STIM2: variants seen among roughly 807,000 people sequenced by gnomAD.
The protein encoded by STIM2 is stromal interaction molecule 2.
STIM2 carries 31 observed loss-of-function variants against 85.8 expected under a neutral mutation model. That is an observed-to-expected ratio of 0.36 (90% CI 0.27 to 0.49). The LOEUF is 0.49. STIM2 is among the 20% of genes least tolerant of loss of function. The pLI is 0.98. For missense variants in STIM2, 841 were observed against 927.6 expected, an observed-to-expected ratio of 0.91 and a Z score of 1.21; for synonymous variants, 356 against 331.1, an observed-to-expected ratio of 1.08 and a Z score of -0.82.
chr4:26,903,550 T>C (rs1409652067), intron 1 of STIM2, among the ~76,000 whole-genome samples: 1 of 152,170 alleles, frequency 6.6e-6, no homozygotes, highest in Non-Finnish European at 1.5e-5. Flanking sequence ...TAAATGTTAA[T>C]TGAGACAAGA....
At chr4:26,923,555 C>G (rs1157243439) in intron 2 of STIM2, among the ~76,000 whole-genome samples, 1 of 139,780 alleles carries the variant, frequency 7.2e-6, no homozygotes, top group African/African-American at 2.7e-5. Flanking sequence ...ACAACCGGTA[C>G]CAGCCGCTGC....
At chr4:26,937,996 T>A (rs1462433137) in intron 2 of STIM2, among the ~76,000 whole-genome samples, 3 of 152,164 alleles carry the variant, frequency 2.0e-5, no homozygotes, top group Admixed American at 2.0e-4. Context: ...TTGTCTTTTT[T>A]TCCTCTGGAA....
Position 26,905,704 on chromosome 4 carries a change from TATTAA to T in STIM2, c.152-13796_152-13792del, listed in dbSNP as rs1724098745. On this transcript the variant is annotated intron_variant, in intron 1 of 11. Transcript: ENST00000467087. ...TAAATCGGCTAAATCCATGGCTATGTATTAAATTTCTATGCTGATTTATTTATTCA... is the reference window on the plus strand; with the variant it reads ...TAAATCGGCTAAATCCATGGCTATGTATTTCTATGCTGATTTATTTATTCA... Among the ~76,000 whole-genome samples the T allele has an allele frequency of 3.3e-5, 5 of 152,218 alleles. No homozygotes were observed. The South Asian group carries it at 1.0e-3, about 32-fold the overall frequency.
chr4:26,885,840 T>TAC lies in STIM2; in HGVS notation c.151+24472_151+24473insCA, dbSNP rs1723207629. ...CTCAGGTTATATATATATATATATA[T>TAC]ATATATATATATATATATATATATA... is the stretch of plus-strand genomic sequence containing the variant. On this transcript the variant is annotated intron_variant, in intron 1 of 11. Transcript: ENST00000467087. 1.1e-3 allele frequency among the ~76,000 whole-genome samples: 37 copies of TAC among 33,100 alleles called. 2 individuals are homozygous for TAC. The South Asian group carries it at 0.018, about 16-fold the overall frequency. 21.7% of individuals were successfully genotyped at this position (33,100 alleles called of 152,430 possible).
intron 1 of STIM2, among the ~76,000 whole-genome samples, chr4:26,864,049 T>C (rs1456530773): frequency 1.3e-5 from 2 of 152,164 alleles, no homozygotes; most frequent in African/African-American, 4.8e-5. Context: ...AATTATCCTG[T>C]GTTTATTTGC....
intron 2 of STIM2, among the ~76,000 whole-genome samples, chr4:26,947,889 C>G (rs186460390): frequency 1.3e-5 from 2 of 152,122 alleles, no homozygotes; most frequent in African/African-American, 2.4e-5. Flanking sequence ...CTATCTTTTT[C>G]TAAGAACCTA....
chr4:26,865,405 A>G (rs969199715), intron 1 of STIM2, among the ~76,000 whole-genome samples: 5 of 152,146 alleles, frequency 3.3e-5, no homozygotes, highest in African/African-American at 2.4e-5. Flanking sequence ...AAGTGGATCC[A>G]AGATTTAGCT....
Position 26,860,886 on chromosome 4 carries a change from T to C in STIM2, c.-333T>C. 1.0e-6 allele frequency: 1 copy of C among 1,002,676 alleles called. No individual in the cohort carries two copies. The highest frequency in any genetic ancestry group is 1.2e-6 in the Non-Finnish European group (1 of 818,252). The allele number at this position is 1,002,676 out of a possible 1,614,324, so 62.1% of individuals were successfully genotyped here. ...CGCCGCAGCAGCAGCGCGGGTGTCG[T>C]GCACCGCCTGAAGACGCCGTACCTT... On this transcript the variant is annotated 5_prime_UTR_variant, in exon 1 of 12. Transcript: ENST00000467087.
intron 10 of STIM2, among the ~76,000 whole-genome samples, chr4:27,016,892 G>A (rs1728749136): frequency 6.6e-6 from 1 of 152,218 alleles, no homozygotes; most frequent in Non-Finnish European, 1.5e-5. Flanking sequence ...GCTTCAGCAG[G>A]AATGCATTTG....
chr4:26,976,029 G>A (rs1463313265), intron 3 of STIM2, among the ~76,000 whole-genome samples: 1 of 152,214 alleles, frequency 6.6e-6, no homozygotes, highest in African/African-American at 2.4e-5. Flanking sequence ...AGTGAGCAAG[G>A]CTTCGTGGGT....
At chr4:26,898,877 T>A (rs1176539755) in intron 1 of STIM2, among the ~76,000 whole-genome samples, 2 of 152,120 alleles carry the variant, frequency 1.3e-5, no homozygotes, top group Non-Finnish European at 2.9e-5. Flanking sequence ...TTTACACATT[T>A]AAAAAAATTT....
At chr4:27,006,657 A>T (rs1427694727) in intron 7 of STIM2, among the ~76,000 whole-genome samples, 1 of 152,088 alleles carries the variant, frequency 6.6e-6, no homozygotes, top group African/African-American at 2.4e-5. Flanking sequence ...TTTCCTTATG[A>T]TACTTTTTCT....
At position 27,023,143 on chromosome 4, in the gene STIM2, A is replaced by G; in HGVS notation, c.*147A>G. 1.4e-6 allele frequency: 1 copy of G among 725,630 alleles called. No individual in the cohort carries two copies. The highest frequency in any genetic ancestry group is 1.8e-5 in the South Asian group (1 of 56,926). The allele number at this position is 725,630 out of a possible 1,614,324, so 44.9% of individuals were successfully genotyped here. A position where few individuals can be genotyped will look rare whatever the true frequency, so the allele number is the denominator to read the frequency against. ...CCGGATGCCATAGTGGAACATCCAGAAGGGCAACTGTCTACTGTCTGCTTA... is the reference window on the plus strand; with the variant it reads ...CCGGATGCCATAGTGGAACATCCAGGAGGGCAACTGTCTACTGTCTGCTTA... On this transcript the variant is annotated 3_prime_UTR_variant, in exon 12 of 12. Transcript: ENST00000467087.
At chr4:26,862,537 T>C (rs759744482) in intron 1 of STIM2, among the ~76,000 whole-genome samples, 10 of 151,892 alleles carry the variant, frequency 6.6e-5, no homozygotes, top group Admixed American at 1.3e-4. Context: ...CTGATTTCTA[T>C]GATAGGATAT....
At position 26,994,188 on chromosome 4, in the gene STIM2, T is replaced by C. The variant is rs996415534; in HGVS notation, c.398-1191T>C. On this transcript the variant is annotated intron_variant, in intron 3 of 11. Coordinates refer to ENST00000467087, the MANE Select transcript of STIM2 (RefSeq NM_020860.4). ...GCTCCAGACTTGCAGATCTGACTGC[T>C]GCTCTATTATCTACACTTAAATGTC... Among the ~76,000 whole-genome samples the C allele has an allele frequency of 2.0e-5, 3 of 152,198 alleles. No homozygotes were observed. The East Asian group carries it at 5.8e-4, about 29-fold the overall frequency.
intron 1 of STIM2, among the ~76,000 whole-genome samples, chr4:26,910,250 G>A (rs1006278437): frequency 4.6e-5 from 7 of 152,058 alleles, no homozygotes; most frequent in Non-Finnish European, 8.8e-5. Context: ...GGCTGGTCAC[G>A]GTGGCTCACG....
intron 1 of STIM2, chr4:26,873,854 C>T: frequency 8.9e-7 from 1 of 1,127,298 alleles, no homozygotes; most frequent in Non-Finnish European, 1.3e-6. Flanking sequence ...GGTACGTGAA[C>T]CCATCCGGGC....
At chr4:27,014,061 C>G (rs568653280) in intron 10 of STIM2, among the ~76,000 whole-genome samples, 1 of 151,982 alleles carries the variant, frequency 6.6e-6, no homozygotes, top group Admixed American at 6.5e-5. Context: ...ATCTCAGTTA[C>G]ATCTTTAAAT....
At chr4:26,930,312 A>ATTT (rs1312201285) in intron 2 of STIM2, among the ~76,000 whole-genome samples, 1 of 152,114 alleles carries the variant, frequency 6.6e-6, no homozygotes, top group Non-Finnish European at 1.5e-5. Context: ...GTGACTGAAA[A>ATTT]GTTTTATCAT....
Sources: allele counts gnomAD v4.1 joint callset (sites outside exome capture counted in the v4.1 genomes callset), GRCh38; gene constraint gnomAD v4.1.1; transcripts MANE v1.5; gene names NCBI Gene and HGNC (gene_info 2026-07-23, HGNC 2026-07-21).